The following TIMP3 variants were observed in gnomAD, a reference collection of about 807,000 sequenced individuals.
The protein encoded by TIMP3 is TIMP metallopeptidase inhibitor 3.
A neutral mutation model predicts 30.0 loss-of-function variants in TIMP3; 11 were observed. The ratio of observed to expected loss-of-function variants is 0.37; its 90% CI spans 0.23 to 0.61. The LOEUF is 0.61. Among genes scored for constraint, TIMP3 ranks in the 20% least tolerant of loss-of-function variants. The pLI is 0.70. For synonymous variants in TIMP3, 112 were observed against 111.3 expected (o/e 1.01, Z -0.04); for missense variants, 181 against 276.8 (o/e 0.65, Z 2.45).
chr22:32,810,111 G>A (rs201339304), intron 1 of TIMP3, among the ~76,000 whole-genome samples: 2 of 152,294 alleles, frequency 1.3e-5, no homozygotes, highest in Non-Finnish European at 2.9e-5. Flanking sequence ...CTAGCTAAAG[G>A]GACTTACTAA....
chr22:32,830,049 CAA>C (rs2047528504), intron 1 of TIMP3, among the ~76,000 whole-genome samples: 1 of 152,214 alleles, frequency 6.6e-6, no homozygotes, highest in Admixed American at 6.5e-5. Context: ...ATGCTCCAAA[CAA>C]GAGTAAGTGG....
rs1014164413 is a variant in TIMP3, at chr22:32,837,348, G to A, written c.122-12104G>A. Among the ~76,000 whole-genome samples, 8 of 152,108 alleles carry A rather than the reference G, an allele frequency of 5.3e-5. No individual in the cohort carries two copies. Among genetic ancestry groups the A allele is most frequent in the South Asian group, 2.1e-4 (1 of 4,822 alleles). ...GGGGGTGGTCTCAGCCCCCCTCACC[G>A]AGTGCACTTGCATGGCAGTAAGCAA... On this transcript the variant is annotated intron_variant, in intron 1 of 4. Transcript: ENST00000266085. The surrounding 1 kb of genome is among the most constrained non-coding windows in gnomAD (Gnocchi z 4.1).
intron 1 of TIMP3, among the ~76,000 whole-genome samples, chr22:32,839,422 T>C (rs543707972): frequency 4.3e-4 from 66 of 152,240 alleles, no homozygotes; most frequent in African/African-American, 1.5e-3. Context: ...ATTCTAATCA[T>C]GCTTGGTGAA....
Position 32,849,631 on chromosome 22 carries a change from G to A in TIMP3, c.204+97G>A, listed in dbSNP as rs529140937. 5 of 1,060,144 alleles carry A rather than the reference G, an allele frequency of 4.7e-6. No individual in the cohort carries two copies. In the South Asian group the frequency reaches 5.4e-5, roughly 11 times the overall value. 65.7% of individuals were successfully genotyped at this position (1,060,144 alleles called of 1,614,324 possible). A position where few individuals can be genotyped will look rare whatever the true frequency, so the allele number is the denominator to read the frequency against. ...GCAAAGTGGGTTGGAACTGGGGTGT[G>A]TGTCTAAGCACCAGCCAGACCCAGC... On this transcript the variant is annotated intron_variant, in intron 2 of 4. Transcript: ENST00000266085.
intron 1 of TIMP3, among the ~76,000 whole-genome samples, chr22:32,843,105 T>A (rs756364239): frequency 1.1e-3 from 172 of 152,192 alleles, no homozygotes; most frequent in South Asian, 2.1e-4. Context: ...CCCACTAGGA[T>A]GCAAAACTGC....
intron 1 of TIMP3, among the ~76,000 whole-genome samples, chr22:32,842,004 G>C (rs1284652064): frequency 1.3e-5 from 2 of 152,216 alleles, no homozygotes; most frequent in Admixed American, 6.5e-5. Context: ...TGAGCACCAA[G>C]AAGGTCATGG....
intron 1 of TIMP3, among the ~76,000 whole-genome samples, chr22:32,845,579 C>G (rs758378761): frequency 6.6e-6 from 1 of 152,132 alleles, no homozygotes. Context: ...GTCACCCTCA[C>G]CAGCACCCAA....
intron 1 of TIMP3, among the ~76,000 whole-genome samples, chr22:32,808,925 G>A (rs910702266): frequency 6.6e-6 from 1 of 152,176 alleles, no homozygotes. Flanking sequence ...CACTTTAGAG[G>A]GTAAGCACCC....
chr22:32,823,541 G>A (rs1409197696), intron 1 of TIMP3, among the ~76,000 whole-genome samples: 1 of 152,202 alleles, frequency 6.6e-6, no homozygotes, highest in Non-Finnish European at 1.5e-5. Context: ...GGCCTGGAGG[G>A]TGGTGGTCTG....
intron 2 of TIMP3, among the ~76,000 whole-genome samples, chr22:32,850,569 G>T (rs901155782): frequency 1.1e-4 from 16 of 152,152 alleles, no homozygotes; most frequent in Non-Finnish European, 1.5e-5. Context: ...GAGGCCGTGA[G>T]GGAGATACAG....
At chr22:32,816,951 C>A (rs376465906) in intron 1 of TIMP3, among the ~76,000 whole-genome samples, 1 of 152,004 alleles carries the variant, frequency 6.6e-6, no homozygotes, top group Non-Finnish European at 1.5e-5. Flanking sequence ...CCGGGCACAG[C>A]GGCTCACGCA....
chr22:32,848,073 T>C lies in TIMP3; in HGVS notation c.122-1379T>C, dbSNP rs529407898. Reference sequence around the variant, plus strand: ...CAAGACCTGTCCATTTGCTCCTCCATGTGCCAATTTTACAAATACCTGAAG... The same window carrying C: ...CAAGACCTGTCCATTTGCTCCTCCACGTGCCAATTTTACAAATACCTGAAG... On this transcript the variant is annotated intron_variant, in intron 1 of 4. Transcript: ENST00000266085. Among the ~76,000 whole-genome samples, 26 of 152,358 alleles carry C rather than the reference T, an allele frequency of 1.7e-4. 1 individual carries two copies. The highest frequency in any genetic ancestry group is 5.5e-4 in the African/African-American group (23 of 41,590).
At chr22:32,828,420 G>T (rs1282686810) in intron 1 of TIMP3, among the ~76,000 whole-genome samples, 1 of 152,356 alleles carries the variant, frequency 6.6e-6, no homozygotes, top group East Asian at 1.9e-4. Flanking sequence ...TGCTGTGTTA[G>T]AGCCAGCCTC....
At chr22:32,844,278 C>G (rs1037249193) in intron 1 of TIMP3, among the ~76,000 whole-genome samples, 2 of 152,178 alleles carry the variant, frequency 1.3e-5, no homozygotes, top group Non-Finnish European at 2.9e-5. Flanking sequence ...TGCTGATGAA[C>G]AGCACATGTG....
chr22:32,841,524 G>C (rs2047901443), intron 1 of TIMP3, among the ~76,000 whole-genome samples: 1 of 152,146 alleles, frequency 6.6e-6, no homozygotes, highest in South Asian at 2.1e-4. Flanking sequence ...GAGAGCCCCG[G>C]GTGCAGGGAA....
chr22:32,814,394 G>C (rs1303797068), intron 1 of TIMP3, among the ~76,000 whole-genome samples: 1 of 99,190 alleles, frequency 1.0e-5, no homozygotes, highest in Admixed American at 1.0e-4. Context: ...GAAACATTGG[G>C]AGCTGAGCTT....
chr22:32,842,987 G>A (rs1313709975), intron 1 of TIMP3, among the ~76,000 whole-genome samples: 3 of 152,196 alleles, frequency 2.0e-5, no homozygotes, highest in Non-Finnish European at 4.4e-5. Flanking sequence ...TGCAGTGAAA[G>A]TGGGGAATGC....
intron 1 of TIMP3, among the ~76,000 whole-genome samples, chr22:32,805,195 G>C (rs948767133): frequency 1.3e-5 from 2 of 152,118 alleles, no homozygotes; most frequent in African/African-American, 4.8e-5. Flanking sequence ...TGTGTTCGGG[G>C]CCTGCCTCTG....
intron 1 of TIMP3, among the ~76,000 whole-genome samples, chr22:32,821,411 G>A: frequency 6.6e-6 from 1 of 152,220 alleles, no homozygotes; most frequent in African/African-American, 2.4e-5. Flanking sequence ...TCAGTGCTGT[G>A]CTATTAAAAT....
Sources: allele counts gnomAD v4.1 joint callset (sites outside exome capture counted in the v4.1 genomes callset), GRCh38; gene constraint gnomAD v4.1.1; non-coding constraint Gnocchi (gnomAD v3.1); transcripts MANE v1.5; gene names NCBI Gene and HGNC (gene_info 2026-07-23, HGNC 2026-07-21).